Variants in HERC3 observed in about 807,000 individuals in gnomAD.
HERC3 encodes the protein probable E3 ubiquitin-protein ligase HERC3.
In HERC3, 58 loss-of-function variants were observed where a neutral mutation model predicts 129.9. That is an observed-to-expected ratio of 0.45 (90% CI 0.36 to 0.56). The LOEUF is 0.56. Ranked by LOEUF, HERC3 falls within the 20% of genes least tolerant of loss-of-function variation. The pLI, the probability that HERC3 is intolerant of heterozygous loss-of-function variation, is 0.00. For synonymous variants in HERC3, 430 were observed against 451.0 expected (o/e 0.95, Z 0.59); for missense variants, 835 against 1,244.2 (o/e 0.67, Z 4.95).
At chr4:88,583,346 G>T in the HERC3 span, among the ~76,000 whole-genome samples, 1 of 151,628 alleles carries the variant, frequency 6.6e-6, no homozygotes, top group East Asian at 1.9e-4. Context: ...TAAGACAGGA[G>T]AATTGCTTGA....
chr4:88,692,899 A>G lies in HERC3; in HGVS notation c.2657+5600A>G, dbSNP rs531523849. 2.8e-5 allele frequency: 28 copies of G among 985,428 alleles called. No homozygotes were observed. The East Asian group carries it at 2.3e-3, about 80-fold the overall frequency. 61.0% of individuals were successfully genotyped at this position (985,428 alleles called of 1,614,324 possible). On this transcript the variant is annotated intron_variant, in intron 23 of 25. Transcript: ENST00000402738. ...AGAGTTCCCATCCTCCTTTCGCCCT[A>G]GGAAGAAAAATGACTTTGAAGACTT...
chr4:88,592,912 C>T (rs746188783), intron 1 of HERC3, among the ~76,000 whole-genome samples: 20 of 151,908 alleles, frequency 1.3e-4, no homozygotes, highest in Non-Finnish European at 2.5e-4. Context: ...GCCCTCCCGC[C>T]CTGCCGCCCG....
At chr4:88,560,678 C>A in the HERC3 span, among the ~76,000 whole-genome samples, 1 of 152,054 alleles carries the variant, frequency 6.6e-6, no homozygotes, top group East Asian at 1.9e-4. Context: ...TGTCCAGGAG[C>A]TTTTTCTCTA....
intron 3 of HERC3, among the ~76,000 whole-genome samples, chr4:88,610,050 A>G (rs1223138969): frequency 6.6e-6 from 1 of 152,128 alleles, no homozygotes; most frequent in Admixed American, 6.6e-5. Context: ...TCTCGTGGCC[A>G]TTTTGGTTTT....
chr4:88,671,320 C>T (rs2149302820), intron 16 of HERC3, among the ~76,000 whole-genome samples: 1 of 152,156 alleles, frequency 6.6e-6, no homozygotes, highest in South Asian at 2.1e-4. Context: ...CAATATTTTT[C>T]CTGTGGGGTT....
At chr4:88,592,915 G>T (rs1217992675) in intron 1 of HERC3, among the ~76,000 whole-genome samples, 1 of 151,844 alleles carries the variant, frequency 6.6e-6, no homozygotes, top group African/African-American at 2.4e-5. Flanking sequence ...CTCCCGCCCT[G>T]CCGCCCGGGA....
At chr4:88,618,912 G>A (rs1490805772) in intron 3 of HERC3, among the ~76,000 whole-genome samples, 1 of 152,126 alleles carries the variant, frequency 6.6e-6, no homozygotes, top group Admixed American at 6.5e-5. Context: ...AGCTTTGGCA[G>A]GCCACACCTG....
At chr4:88,694,655 G>C (rs1393041097) in intron 23 of HERC3, among the ~76,000 whole-genome samples, 1 of 152,182 alleles carries the variant, frequency 6.6e-6, no homozygotes, top group African/African-American at 2.4e-5. Context: ...TTAGGTTCCA[G>C]ATCCAGTTTG....
At chr4:88,601,415 G>A (rs1181059103) in intron 2 of HERC3, among the ~76,000 whole-genome samples, 1 of 152,218 alleles carries the variant, frequency 6.6e-6, no homozygotes, top group Admixed American at 6.5e-5. Context: ...ATTTGGGCAT[G>A]CTTTTATCTT....
intron 23 of HERC3, chr4:88,696,342 G>A (rs762362963): frequency 3.3e-5 from 5 of 152,576 alleles, no homozygotes; most frequent in African/African-American, 9.7e-5. Flanking sequence ...AGTACATAAC[G>A]CTGGATACAC....
intron 23 of HERC3, chr4:88,690,743 TG>T: frequency 2.5e-6 from 1 of 402,000 alleles, no homozygotes; most frequent in Non-Finnish European, 3.4e-6. Flanking sequence ...CTGTCTTTTT[TG>T]TTCTCTTTCT....
intron 3 of HERC3, among the ~76,000 whole-genome samples, chr4:88,616,364 G>T (rs1030427389): frequency 2.0e-5 from 3 of 152,134 alleles, no homozygotes; most frequent in African/African-American, 7.2e-5. Context: ...AAATTAGGTC[G>T]CTGTGGGCAC....
chr4:88,697,614 C>T (rs757167367), intron 23 of HERC3: 3 of 1,609,276 alleles, frequency 1.9e-6, no homozygotes, highest in Non-Finnish European at 2.6e-6. Flanking sequence ...TCTGACCAGC[C>T]GCGCTGTCAG....
chr4:88,611,590 T>A (rs1724331744), intron 3 of HERC3, among the ~76,000 whole-genome samples: 1 of 152,158 alleles, frequency 6.6e-6, no homozygotes, highest in Non-Finnish European at 1.5e-5. Context: ...AAAAAGTGAG[T>A]GTATGACTGT....
At chr4:88,674,405 G>C (rs992764120) in intron 16 of HERC3, among the ~76,000 whole-genome samples, 4 of 152,324 alleles carry the variant, frequency 2.6e-5, no homozygotes, top group Non-Finnish European at 4.4e-5. Context: ...TGCCAGAACT[G>C]TTTTTATTAT....
chr4:88,702,896 G>A (rs560153139), intron 23 of HERC3, among the ~76,000 whole-genome samples: 1 of 152,130 alleles, frequency 6.6e-6, no homozygotes, highest in African/African-American at 2.4e-5. Context: ...CAATGGCCAG[G>A]CCATATATAA....
At chr4:88,554,192 A>G in the HERC3 span, among the ~76,000 whole-genome samples, 4 of 152,096 alleles carry the variant, frequency 2.6e-5, no homozygotes, top group Non-Finnish European at 5.9e-5. Flanking sequence ...CTGAAAATAC[A>G]AAAATTAGCT....
rs189498149 is a variant in HERC3 at position 88,689,225 on chromosome 4, C to T, written c.2657+1926C>T. 2.4e-4 allele frequency among the ~76,000 whole-genome samples: 37 copies of T among 152,012 alleles called. No individual in the cohort carries two copies. In the East Asian group the frequency reaches 6.0e-3, roughly 25 times the overall value. ...CTTTCCTTTTGAAAATAGGAATGGG[C>T]TGGATGCAGTGGCTCATGCCTGTAA... On this transcript the variant is annotated intron_variant, in intron 23 of 25. Coordinates refer to ENST00000402738, the MANE Select transcript of HERC3 (RefSeq NM_014606.3).
chr4:88,663,220 G>A lies in HERC3; in HGVS notation c.1271+665G>A, dbSNP rs72883001. On this transcript the variant is annotated intron_variant, in intron 11 of 25. Coordinates refer to ENST00000402738, the MANE Select transcript of HERC3 (RefSeq NM_014606.3). ...TGGTTCCTGCATTATGACATAGATT[G>A]TAGTGGGCCAAATGACCAGGACGCT... Among the ~76,000 whole-genome samples the A allele has an allele frequency of 6.4e-3, 980 of 152,278 alleles. 10 individuals carry two copies. The highest frequency in any genetic ancestry group is 0.022 in the African/African-American group (922 of 41,538).
Sources: allele counts gnomAD v4.1 joint callset (sites outside exome capture counted in the v4.1 genomes callset), GRCh38; gene constraint gnomAD v4.1.1; transcripts MANE v1.5; gene names NCBI Gene and HGNC (gene_info 2026-07-23, HGNC 2026-07-21).